Variants in VPS50 observed in about 807,000 individuals in gnomAD.
VPS50 encodes the protein syndetin.
VPS50 carries 70 observed loss-of-function variants against 139.7 expected under a neutral mutation model. That is an observed-to-expected ratio of 0.50 (90% CI 0.41 to 0.61). The LOEUF (loss-of-function observed/expected upper bound fraction) is 0.61. Ranked by LOEUF, VPS50 falls within the 20% of genes least tolerant of loss-of-function variation. VPS50 has a pLI of 0.00. For synonymous variants in VPS50, 365 were observed against 376.7 expected (o/e 0.97, Z 0.36); for missense variants, 921 against 1,133.7 (o/e 0.81, Z 2.69).
At chr7:93,288,037 G>A (rs1796542431) in intron 12 of VPS50, among the ~76,000 whole-genome samples, 1 of 152,086 alleles carries the variant, frequency 6.6e-6, no homozygotes, top group Admixed American at 6.6e-5. Context: ...ATGGCGGGAG[G>A]CAAATGAGGA....
chr7:93,350,711 AG>A (rs1423803811), intron 25 of VPS50, among the ~76,000 whole-genome samples: 1 of 152,176 alleles, frequency 6.6e-6, no homozygotes, highest in Non-Finnish European at 1.5e-5. Flanking sequence ...AATCATCTGA[AG>A]AGAGATAGAG....
chr7:93,315,378 T>A (rs1174855168), intron 20 of VPS50, among the ~76,000 whole-genome samples: 1 of 152,220 alleles, frequency 6.6e-6, no homozygotes, highest in East Asian at 1.9e-4. Flanking sequence ...AATATCTTTG[T>A]GTATATACAG....
chr7:93,303,446 TTTC>T lies in VPS50; in HGVS notation c.1362-11_1362-9del, dbSNP rs1797034912. The T allele has an allele frequency of 7.1e-7, 1 of 1,407,054 alleles. No individual in the cohort carries two copies. The highest frequency in any genetic ancestry group is 9.9e-7 in the Non-Finnish European group (1 of 1,007,490). The allele number at this position is 1,407,054 out of a possible 1,614,324, so 87.2% of individuals were successfully genotyped here. A position where few individuals can be genotyped will look rare whatever the true frequency, so the allele number is the denominator to read the frequency against. On this transcript the variant is annotated splice_polypyrimidine_tract_variant and intron_variant, in intron 16 of 27. Transcript: ENST00000305866. ...TCTTCTCACTTTTTGGAGTGTTCAT[TTTC>T]TTTTTTTAAGAACACGGCTCGATGA...
rs747530133 is a variant in VPS50, at chr7:93,257,432, A to G, written c.390A>G (p.Gln130=). 1.2e-6 allele frequency: 2 copies of G among 1,606,158 alleles called. No homozygotes were observed. Among genetic ancestry groups the G allele is most frequent in the South Asian group, 1.1e-5 (1 of 90,602 alleles). ...TTACCTCATTGCAGACAGGTCTTCA[A>G]TTAGCTGCTGTTATCTGTACAAATG... ...ERVTSLQTGL[Q]LAAVICTNGR... is the part of the protein sequence containing the mutation. The change falls in exon 6 of 28, where the codon CAA becomes CAG. Residue 130 remains glutamine, a synonymous_variant. Transcript: ENST00000305866.
chr7:93,329,310 A>G (rs1336309147), intron 21 of VPS50, among the ~76,000 whole-genome samples: 2 of 152,286 alleles, frequency 1.3e-5, no homozygotes, highest in East Asian at 3.9e-4. Context: ...ATTTCAAAAA[A>G]CAACAAAAAA....
In VPS50 at chr7:93,311,158, A is replaced by G. The variant is rs777992157; in HGVS notation, c.1749-8A>G. ...TCTAGCAACTCTGTTTTGTTTTTCC[A>G]TATCAAGTGTTTCTCGGGAAACTCT... On this transcript the variant is annotated splice_polypyrimidine_tract_variant and splice_region_variant and intron_variant, in intron 19 of 27. Transcript: ENST00000305866. 5 of 1,057,090 alleles carry G rather than the reference A, an allele frequency of 4.7e-6. No individual in the cohort carries two copies. Among genetic ancestry groups the G allele is most frequent in the Non-Finnish European group, 7.4e-6 (5 of 671,296 alleles). 65.5% of individuals were successfully genotyped at this position (1,057,090 alleles called of 1,614,324 possible).
intron 9 of VPS50, among the ~76,000 whole-genome samples, chr7:93,261,172 T>C (rs1415725226): frequency 6.6e-6 from 1 of 152,174 alleles, no homozygotes; most frequent in African/African-American, 2.4e-5. Flanking sequence ...AAAGCATCCA[T>C]TTAGTTCATT....
intron 16 of VPS50, among the ~76,000 whole-genome samples, chr7:93,298,269 C>T (rs1203760343): frequency 1.3e-5 from 2 of 152,032 alleles, no homozygotes; most frequent in Non-Finnish European, 2.9e-5. Flanking sequence ...TTGACTAAAC[C>T]TCAGGGAAAC....
At chr7:93,335,296 A>T (rs1283352701) in intron 22 of VPS50, among the ~76,000 whole-genome samples, 1 of 152,208 alleles carries the variant, frequency 6.6e-6, no homozygotes. Context: ...CTGATATCTC[A>T]GGTGAGCGCT....
chr7:93,307,064 TTAGA>T (rs1382621102), intron 18 of VPS50, among the ~76,000 whole-genome samples: 2 of 151,930 alleles, frequency 1.3e-5, no homozygotes, highest in East Asian at 1.9e-4. Context: ...TAATTAAAAC[TTAGA>T]TAGCATTTGA....
Position 93,308,911 on chromosome 7 carries a change from G to A in VPS50, c.1717G>A (p.Asp573Asn). 1 of 1,599,708 alleles carries A rather than the reference G, an allele frequency of 6.3e-7. No individual in the cohort carries two copies. ...VPEELKRDYV[D>N]EQTGDGPVKS... is the part of the protein sequence containing the mutation. ...TGAGGAACTCAAACGAGACTATGTG[G>A]ATGAGCAGACAGGAGATGGTCCTGT... Residue 573 changes from aspartate (D) to asparagine (N), a missense_variant, in exon 19 of 28, where the codon GAT becomes AAT. Asp to Asn is a conservative substitution (Grantham distance 23, BLOSUM62 1). Coordinates refer to ENST00000305866, the MANE Select transcript of VPS50 (RefSeq NM_017667.4).
At chr7:93,261,306 G>A (rs916209334) in intron 9 of VPS50, among the ~76,000 whole-genome samples, 3 of 152,172 alleles carry the variant, frequency 2.0e-5, no homozygotes, top group African/African-American at 4.8e-5. Flanking sequence ...ACCACATACA[G>A]TGTAATCAGT....
At chr7:93,306,273 G>A (rs73219904) in intron 18 of VPS50, among the ~76,000 whole-genome samples, 6,317 of 151,896 alleles carry the variant, frequency 0.042, 169 homozygotes, top group African/African-American at 0.064. Context: ...AAGTAGTAGT[G>A]TAATTTCTTC....
intron 11 of VPS50, 103 bp downstream of exon 11, chr7:93,272,836 T>C (rs1465935914): frequency 5.2e-6 from 3 of 578,604 alleles, no homozygotes; most frequent in Non-Finnish European, 9.1e-6. Flanking sequence ...AAAAGTTTTA[T>C]TTAACGAAGT....
At chr7:93,309,374 TC>T (rs1201614560) in intron 19 of VPS50, among the ~76,000 whole-genome samples, 4 of 152,014 alleles carry the variant, frequency 2.6e-5, no homozygotes, top group Admixed American at 6.6e-5. Flanking sequence ...TTTTATGGTA[TC>T]ACAAAGTTAG....
chr7:93,356,024 A>G lies in VPS50; in HGVS notation c.2719A>G (p.Ile907Val). 6.4e-7 allele frequency: 1 copy of G among 1,572,568 alleles called. No individual in the cohort carries two copies. The highest frequency in any genetic ancestry group is 8.7e-7 in the Non-Finnish European group (1 of 1,149,004). ...IPDKEFVETY[I>V]KAYYLTENDM... Reference sequence around the variant, plus strand: ...TGATAAAGAATTTGTAGAAACTTATATTAAAGCTTATTACCTAACTGAGAA... The same window carrying G: ...TGATAAAGAATTTGTAGAAACTTATGTTAAAGCTTATTACCTAACTGAGAA... The change falls in exon 27 of 28, where the codon ATT becomes GTT. Residue 907 changes from isoleucine (I) to valine (V), a missense_variant. This residue lies in a region of VPS50 where 158 missense variants were observed against 156.3 expected (regional missense o/e 1.01). Coordinates refer to ENST00000305866, the MANE Select transcript of VPS50 (RefSeq NM_017667.4).
At chr7:93,254,821 A>AT (rs1262867811) in intron 4 of VPS50, among the ~76,000 whole-genome samples, 4 of 152,108 alleles carry the variant, frequency 2.6e-5, no homozygotes, top group African/African-American at 9.7e-5. Context: ...ATGTGTATTA[A>AT]TTTTTTTCAA....
At chr7:93,321,832 A>C (rs1283059631) in intron 20 of VPS50, among the ~76,000 whole-genome samples, 1 of 151,954 alleles carries the variant, frequency 6.6e-6, no homozygotes, top group Non-Finnish European at 1.5e-5. Context: ...CTACTTATTC[A>C]TCTTTGTTTT....
rs1378768292 is a variant in VPS50, at chr7:93,239,855, A to AT, written c.34-4dup. 5.8e-6 allele frequency: 9 copies of AT among 1,547,530 alleles called. No individual in the cohort carries two copies. Among genetic ancestry groups the AT allele is most frequent in the South Asian group, 1.1e-5 (1 of 89,508 alleles). On this transcript the variant is annotated splice_polypyrimidine_tract_variant and intron_variant, in intron 1 of 27. Coordinates refer to ENST00000305866, the MANE Select transcript of VPS50 (RefSeq NM_017667.4). Reference sequence around the variant, plus strand: ...TGATTAAAATTTTCCTCATCTTATTATTTTTTTAAGGGTCTGAAAAGCCCT... The same window carrying AT: ...TGATTAAAATTTTCCTCATCTTATTATTTTTTTTAAGGGTCTGAAAAGCCCT...
Sources: allele counts gnomAD v4.1 joint callset (sites outside exome capture counted in the v4.1 genomes callset), GRCh38; gene constraint gnomAD v4.1.1; regional missense constraint gnomAD v4.1.1; transcripts MANE v1.5; gene names NCBI Gene and HGNC (gene_info 2026-07-23, HGNC 2026-07-21).